Variants in UTRN observed in about 807,000 individuals in gnomAD.
UTRN encodes the protein dystrophin-related protein 1.
UTRN carries 283 observed loss-of-function variants against 463.9 expected under a neutral mutation model. The observed-to-expected ratio is 0.61, with a 90% CI of 0.55 to 0.67. The LOEUF is 0.67. UTRN is among the 30% of genes least tolerant of loss of function. The pLI is 0.00. For synonymous variants in UTRN, 1,442 were observed against 1,431.5 expected (o/e 1.01, Z -0.17); for missense variants, 3,922 against 4,084.3 (o/e 0.96, Z 1.08).
At position 144,451,444 on chromosome 6, in the gene UTRN, AAG is replaced by A; in HGVS notation, c.2150_2151del (p.Glu717ValfsTer30). The A allele has an allele frequency of 6.2e-7, 1 of 1,613,352 alleles. No individual in the cohort carries two copies. The highest frequency in any genetic ancestry group is 8.5e-7 in the Non-Finnish European group (1 of 1,179,826). ...ACTGCCATTCAGACCACAGAGATAAAAGAGTATATGAAGATGCAAGACACTTC... is the reference window on the plus strand; with the variant it reads ...ACTGCCATTCAGACCACAGAGATAAAAGTATATGAAGATGCAAGACACTTC... On this transcript the variant is annotated frameshift_variant, in exon 18 of 75. Transcript: ENST00000367545. LOFTEE classifies it high-confidence loss of function.
At chr6:144,554,487 T>A (rs1012233058) in intron 48 of UTRN, among the ~76,000 whole-genome samples, 7 of 152,220 alleles carry the variant, frequency 4.6e-5, no homozygotes, top group Non-Finnish European at 7.3e-5. Context: ...GTTCAAGATT[T>A]TTTTTTCTCA....
intron 50 of UTRN, among the ~76,000 whole-genome samples, chr6:144,559,008 G>C (rs554149107): frequency 6.6e-6 from 1 of 152,016 alleles, no homozygotes; most frequent in Non-Finnish European, 1.5e-5. Context: ...AAAATTCCAT[G>C]TATAAGAGTT....
chr6:144,451,328 G>C, intron 17 of UTRN, 42 bp from the exon 18 acceptor site: 1 of 1,587,310 alleles, frequency 6.3e-7, no homozygotes, highest in South Asian at 1.1e-5. Context: ...TAAAACAGTA[G>C]AAGGAAACAT....
intron 3 of UTRN, among the ~76,000 whole-genome samples, chr6:144,410,071 A>G (rs1464843263): frequency 6.6e-6 from 1 of 152,172 alleles, no homozygotes; most frequent in African/African-American, 2.4e-5. Context: ...TTAGCTTGAA[A>G]AACTGGAGAC....
intron 51 of UTRN, among the ~76,000 whole-genome samples, chr6:144,676,065 G>C (rs184229927): frequency 1.3e-5 from 2 of 148,456 alleles, no homozygotes; most frequent in East Asian, 3.9e-4. Flanking sequence ...TTTTTTTTTG[G>C]CTTTTTCATT....
chr6:144,415,487 A>C (rs1460115385), intron 3 of UTRN, among the ~76,000 whole-genome samples: 1 of 152,234 alleles, frequency 6.6e-6, no homozygotes, highest in African/African-American at 2.4e-5. Flanking sequence ...TCTAAATCTT[A>C]CTTTCTTATT....
At position 144,462,793 on chromosome 6, in the gene UTRN, A is replaced by G; in HGVS notation, c.2993A>G (p.Asn998Ser). ...TTTGATGATGTGCAAGGAAAGTGGA[A>G]CAAGCTAAAGGTCTTGGTTTCCAAA... ...QEFDDVQGKW[N>S]KLKVLVSKDL... The change falls in exon 23 of 75, where the codon AAC becomes AGC. Residue 998 changes from asparagine to serine, a missense_variant. Physicochemically the swap from Asn to Ser is conservative, Grantham distance 46. Coordinates refer to ENST00000367545, the MANE Select transcript of UTRN (RefSeq NM_007124.3). The G allele has an allele frequency of 2.5e-6, 4 of 1,612,070 alleles. No homozygotes were observed. Among genetic ancestry groups the G allele is most frequent in the Non-Finnish European group, 3.4e-6 (4 of 1,179,554 alleles).
At chr6:144,407,537 G>A (rs1376211927) in intron 3 of UTRN, among the ~76,000 whole-genome samples, 1 of 152,098 alleles carries the variant, frequency 6.6e-6, no homozygotes, top group Non-Finnish European at 1.5e-5. Flanking sequence ...ATAACCACTT[G>A]GACTTAATGC....
chr6:144,555,096 G>A (rs1469695454), intron 49 of UTRN, among the ~76,000 whole-genome samples: 2 of 152,042 alleles, frequency 1.3e-5, no homozygotes, highest in East Asian at 1.9e-4. Flanking sequence ...GAATATGCAT[G>A]TCTCCGAGAT....
intron 51 of UTRN, among the ~76,000 whole-genome samples, chr6:144,638,899 C>G (rs1777474536): frequency 6.6e-6 from 1 of 151,500 alleles, no homozygotes; most frequent in Non-Finnish European, 1.5e-5. Context: ...ATAACGAGAC[C>G]CCGATCTCTA....
chr6:144,367,907 G>C (rs532594182), intron 2 of UTRN, among the ~76,000 whole-genome samples: 1 of 151,982 alleles, frequency 6.6e-6, no homozygotes, highest in African/African-American at 2.4e-5. Flanking sequence ...TCAGCCTTCC[G>C]AGTAGCTGGG....
At chr6:144,539,529 A>G in intron 45 of UTRN, 86 bp downstream of exon 45, 2 of 1,410,494 alleles carry the variant, frequency 1.4e-6, no homozygotes, top group Non-Finnish European at 1.9e-6. Context: ...CTTTACTTTC[A>G]AGTATGTCCA....
At chr6:144,711,102 G>C (rs971843670) in intron 53 of UTRN, among the ~76,000 whole-genome samples, 1 of 152,190 alleles carries the variant, frequency 6.6e-6, no homozygotes, top group African/African-American at 2.4e-5. Context: ...TGGATCACTT[G>C]AGGCCAGGAG....
In UTRN at chr6:144,473,714, G is replaced by A. The variant is rs377129829; in HGVS notation, c.3067-6G>A. On this transcript the variant is annotated splice_polypyrimidine_tract_variant and splice_region_variant and intron_variant, in intron 23 of 74. Coordinates refer to ENST00000367545, the MANE Select transcript of UTRN (RefSeq NM_007124.3). ...AATATCCCCCTCTGTTATCATGTTCGATTAGGCCGATTCAACAGTCATTGA... is the reference window on the plus strand; with the variant it reads ...AATATCCCCCTCTGTTATCATGTTCAATTAGGCCGATTCAACAGTCATTGA... 33 of 1,612,652 alleles carry A rather than the reference G, an allele frequency of 2.0e-5. No individual in the cohort carries two copies. Among genetic ancestry groups the A allele is most frequent in the African/African-American group, 1.1e-4 (8 of 74,868 alleles).
intron 41 of UTRN, among the ~76,000 whole-genome samples, chr6:144,528,785 C>T (rs959641457): frequency 6.6e-6 from 1 of 152,192 alleles, no homozygotes; most frequent in Middle Eastern, 3.2e-3. Flanking sequence ...TGGCCCCCAG[C>T]CAGGAGATGG....
chr6:144,678,040 C>G (rs929299916), intron 51 of UTRN, among the ~76,000 whole-genome samples: 1 of 152,124 alleles, frequency 6.6e-6, no homozygotes, highest in Non-Finnish European at 1.5e-5. Context: ...TTCTCCCATT[C>G]TGTAGGTTGC....
chr6:144,737,673 G>A (rs1789581531), intron 54 of UTRN, among the ~76,000 whole-genome samples: 1 of 152,142 alleles, frequency 6.6e-6, no homozygotes, highest in Admixed American at 6.5e-5. Flanking sequence ...ATGATTTTTA[G>A]CTGAACTAAA....
At chr6:144,713,874 C>T (rs1167803770) in intron 53 of UTRN, among the ~76,000 whole-genome samples, 9 of 149,140 alleles carry the variant, frequency 6.0e-5, no homozygotes, top group East Asian at 3.9e-4. Context: ...GAGCCGAGAT[C>T]GCGCCATTGC....
chr6:144,571,501 G>A (rs1280126243), intron 50 of UTRN, among the ~76,000 whole-genome samples: 1 of 151,928 alleles, frequency 6.6e-6, no homozygotes, highest in Non-Finnish European at 1.5e-5. Context: ...AAATAAAATG[G>A]GTATGCCATC....
Sources: gnomAD v4.1 joint callset for allele counts (sites outside exome capture counted in the v4.1 genomes callset) on GRCh38, gnomAD v4.1.1 for gene constraint, MANE v1.5 for transcripts, NCBI Gene and HGNC (gene_info 2026-07-23, HGNC 2026-07-21) for gene names.